Variants in CORO7 observed in about 807,000 individuals in gnomAD.
CORO7 encodes the protein coronin 7.
A neutral mutation model predicts 126.6 loss-of-function variants in CORO7; 107 were observed. The observed-to-expected ratio is 0.85, with a 90% CI of 0.72 to 0.99. The LOEUF is 0.99. CORO7 is among the 50% of genes least tolerant of loss of function. The pLI, the probability that CORO7 is intolerant of heterozygous loss-of-function variation, is 0.00. For synonymous variants in CORO7, 603 were observed against 536.8 expected (o/e 1.12, Z -1.70); for missense variants, 1,314 against 1,255.8 (o/e 1.05, Z -0.70).
At chr16:4,406,986 C>A (rs1039357062) in intron 5 of CORO7, among the ~76,000 whole-genome samples, 6 of 149,598 alleles carry the variant, frequency 4.0e-5, no homozygotes, top group African/African-American at 9.9e-5. Context: ...CTCACTCTGT[C>A]ACCCAGGCTG....
At chr16:4,388,477 T>A in intron 8 of CORO7, 68 bp downstream of exon 8, 3 of 1,547,274 alleles carry the variant, frequency 1.9e-6, no homozygotes, top group South Asian at 1.2e-5. Flanking sequence ...ATTGGTTTCG[T>A]CCCCGCCCAA....
intron 9 of CORO7, among the ~76,000 whole-genome samples, chr16:4,370,074 C>T (rs755602365): frequency 5.9e-5 from 9 of 152,174 alleles, no homozygotes; most frequent in Non-Finnish European, 1.3e-4. Flanking sequence ...TCTACAAGAA[C>T]CTGCCACAGA....
chr16:4,405,209 G>C (rs1006388731), intron 6 of CORO7, among the ~76,000 whole-genome samples: 8 of 152,250 alleles, frequency 5.3e-5, no homozygotes, highest in African/African-American at 1.7e-4. Context: ...AGACAGACCA[G>C]ACAGGCGGCC....
intron 9 of CORO7, chr16:4,381,294 C>A (rs1235770971): frequency 4.3e-6 from 7 of 1,612,294 alleles, no homozygotes; most frequent in Non-Finnish European, 5.1e-6. Context: ...TCCGCCACAT[C>A]CAGCCTGGTG....
intron 9 of CORO7, among the ~76,000 whole-genome samples, chr16:4,380,291 C>T (rs1473219634): frequency 1.3e-5 from 2 of 152,198 alleles, no homozygotes; most frequent in Non-Finnish European, 2.9e-5. Context: ...CCTGGCGGCC[C>T]GCAGCCCCCA....
chr16:4,395,306 T>C lies in CORO7; in HGVS notation c.598A>G (p.Lys200Glu). 6.2e-7 allele frequency: 1 copy of C among 1,614,070 alleles called. No individual in the cohort carries two copies. Among genetic ancestry groups the C allele is most frequent in the Non-Finnish European group, 8.5e-7 (1 of 1,180,006 alleles). Reference protein sequence around the residue: ...KQLRIFDPRTKPRASQSTQAH... With the variant: ...KQLRIFDPRTEPRASQSTQAH... ...CAACTCACCTGAGAGGCCCGCGGCTTTGTTCTGGGGTCAAAGATCCGCAGC... is the reference window on the plus strand; with the variant it reads ...CAACTCACCTGAGAGGCCCGCGGCTCTGTTCTGGGGTCAAAGATCCGCAGC... Residue 200 changes from lysine to glutamate, a missense_variant, in exon 7 of 28, where the codon AAG becomes GAG. Coordinates refer to ENST00000251166, the MANE Select transcript of CORO7 (RefSeq NM_024535.5).
chr16:4,406,433 CACAG>C (rs2056000448), intron 5 of CORO7, among the ~76,000 whole-genome samples: 1 of 152,076 alleles, frequency 6.6e-6, no homozygotes, highest in Non-Finnish European at 1.5e-5. Context: ...GTACCTGGGA[CACAG>C]ACAGGCACAC....
In CORO7 at chr16:4,392,103, G is replaced by A. The variant is rs183602334; in HGVS notation, c.615+3186C>T. Among the ~76,000 whole-genome samples the A allele has an allele frequency of 2.6e-3, 398 of 152,258 alleles. 4 individuals are homozygous for A. The highest frequency in any genetic ancestry group is 9.1e-3 in the African/African-American group (377 of 41,546). On this transcript the variant is annotated intron_variant, in intron 7 of 27. Coordinates refer to ENST00000251166, the MANE Select transcript of CORO7 (RefSeq NM_024535.5). Reference sequence around the variant, plus strand: ...TTCACCACCCCCCACTGGCCTGTCTGATGCACTGAGATTCCTAGAGGGCTC... The same window carrying A: ...TTCACCACCCCCCACTGGCCTGTCTAATGCACTGAGATTCCTAGAGGGCTC...
In CORO7 at chr16:4,364,663, G is replaced by C; in HGVS notation, c.1071C>G (p.Phe357Leu). 6.3e-7 allele frequency: 1 copy of C among 1,582,556 alleles called. No homozygotes were observed. Among genetic ancestry groups the C allele is most frequent in the Non-Finnish European group, 8.6e-7 (1 of 1,165,206 alleles). Residue 357 changes from phenylalanine (F) to leucine (L), a missense_variant, in exon 13 of 28, where the codon TTC (phenylalanine) becomes TTG (leucine). Coordinates refer to ENST00000251166, the MANE Select transcript of CORO7 (RefSeq NM_024535.5). ...CAGGCACACAGCCGGCAGTGTCCGG[G>C]AACAGGTCCTCGTGGAACTCCACAG... ...RKAVEFHEDL[F>L]PDTAGCVPAT...
chr16:4,381,203 C>T, intron 9 of CORO7: 1 of 1,612,000 alleles, frequency 6.2e-7, no homozygotes, highest in African/African-American at 1.3e-5. Context: ...GACCTGACAG[C>T]CAACAGGCTG....
chr16:4,364,488 T>C, intron 13 of CORO7, 75 bp from the exon 14 acceptor site: 1 of 1,477,032 alleles, frequency 6.8e-7, no homozygotes, highest in Non-Finnish European at 9.0e-7. Context: ...GAGGGTCAAC[T>C]GGGTAGGGAT....
At chr16:4,364,488 T>G in intron 13 of CORO7, 75 bp from the exon 14 acceptor site, 1 of 1,477,032 alleles carries the variant, frequency 6.8e-7, no homozygotes, top group South Asian at 1.4e-5. Context: ...GAGGGTCAAC[T>G]GGGTAGGGAT....
chr16:4,381,528 C>A (rs760886155), intron 9 of CORO7: 3 of 1,602,660 alleles, frequency 1.9e-6, no homozygotes, highest in Non-Finnish European at 2.6e-6. Context: ...GCTTGCGCAA[C>A]CTCCACGACC....
intron 2 of CORO7, chr16:4,412,957 T>C (rs903369978): frequency 1.5e-5 from 4 of 265,108 alleles, no homozygotes; most frequent in African/African-American, 6.7e-5. Flanking sequence ...ACACGGGCTT[T>C]TCAAGCCTTT....
Position 4,407,593 on chromosome 16 carries a change from A to C in CORO7, c.395T>G (p.Leu132Arg), listed in dbSNP as rs1465897310. The change falls in exon 5 of 28, where the codon CTG becomes CGG. Residue 132 changes from leucine (L) to arginine (R), a missense_variant. Physicochemically the swap from Leu to Arg is moderately radical, Grantham distance 102. Transcript: ENST00000251166. ...GCCGTCAGAGGTGGGGTGGAACTGC[A>C]GTACCTCCACTGGGAGGTCCTCGGG... ...LGPEDLPVEV[L>R]QFHPTSDGIL... The C allele has an allele frequency of 1.3e-6, 2 of 1,594,018 alleles. No individual in the cohort carries two copies. The highest frequency in any genetic ancestry group is 1.7e-6 in the Non-Finnish European group (2 of 1,170,386).
At chr16:4,392,084 A>C (rs2141275106) in intron 7 of CORO7, among the ~76,000 whole-genome samples, 1 of 150,578 alleles carries the variant, frequency 6.6e-6, no homozygotes, top group East Asian at 2.0e-4. Context: ...GAGGTTCACC[A>C]CCCCCCACTG....
rs753194663 is a variant in CORO7, at chr16:4,371,596, GTC to G, written c.786-6053_786-6052del. Among the ~76,000 whole-genome samples, 143 of 152,066 alleles carry G rather than the reference GTC, an allele frequency of 9.4e-4. 1 individual carries two copies. The highest frequency in any genetic ancestry group is 1.7e-3 in the Admixed American group (26 of 15,292). ...CTGTGACGCTTAGGATTCCTAAATA[GTC>G]TCTCGCTTTTTACACAAAAAGCAGA... On this transcript the variant is annotated intron_variant, in intron 9 of 27. Coordinates refer to ENST00000251166, the MANE Select transcript of CORO7 (RefSeq NM_024535.5).
chr16:4,415,687 G>A (rs1202826303), intron 1 of CORO7: 2 of 984,934 alleles, frequency 2.0e-6, no homozygotes, highest in Non-Finnish European at 2.4e-6. Flanking sequence ...CCTAGGCCCA[G>A]TTATCGGAGG....
chr16:4,415,530 C>T (rs2056376404), intron 1 of CORO7, among the ~76,000 whole-genome samples: 3 of 152,136 alleles, frequency 2.0e-5, no homozygotes, highest in Non-Finnish European at 4.4e-5. Context: ...AAGGAAAATG[C>T]CGTTGTGTTC....
Sources: gnomAD v4.1 joint callset for allele counts (sites outside exome capture counted in the v4.1 genomes callset) on GRCh38, gnomAD v4.1.1 for gene constraint, MANE v1.5 for transcripts, NCBI Gene and HGNC (gene_info 2026-07-23, HGNC 2026-07-21) for gene names.